The following FOXK2 variants were observed in gnomAD, a reference collection of about 807,000 sequenced individuals.
FOXK2 encodes the protein forkhead box protein K2.
A neutral mutation model predicts 53.3 loss-of-function variants in FOXK2; 24 were observed. The observed-to-expected ratio is 0.45, with a 90% CI of 0.33 to 0.63. FOXK2 has a LOEUF of 0.63. Among genes scored for constraint, FOXK2 ranks in the 30% least tolerant of loss-of-function variants. FOXK2 has a pLI of 0.03. For synonymous variants in FOXK2, 505 were observed against 407.1 expected (o/e 1.24, Z -2.89); for missense variants, 952 against 910.5 (o/e 1.05, Z -0.59).
rs985016785 is a variant in FOXK2 at position 82,601,471 on chromosome 17, C to T, written c.1955C>T (p.Ala652Val). The T allele has an allele frequency of 6.8e-6, 11 of 1,610,646 alleles. No individual in the cohort carries two copies. The highest frequency in any genetic ancestry group is 1.3e-5 in the African/African-American group (1 of 75,036). ...CTGAGCGTGGACACGCCACCGGCAGCCGTAAGGGAAAAGGGTGTCCAGAAC... is the reference window on the plus strand; with the variant it reads ...CTGAGCGTGGACACGCCACCGGCAGTCGTAAGGGAAAAGGGTGTCCAGAAC... The part of the protein sequence containing the change: ...IALSVDTPPA[A>V]VREKGVQN Residue 652 changes from alanine to valine, a missense_variant, in exon 9 of 9, where the codon GCC (alanine) becomes GTC (valine). By Grantham distance (64) the Ala-to-Val change is moderately conservative. Coordinates refer to ENST00000335255, the MANE Select transcript of FOXK2 (RefSeq NM_004514.4).
At chr17:82,552,271 A>G (rs1350122496) in intron 1 of FOXK2, among the ~76,000 whole-genome samples, 1 of 152,146 alleles carries the variant, frequency 6.6e-6, no homozygotes, top group Non-Finnish European at 1.5e-5. Context: ...GTTTTCCCAG[A>G]TTCCCACTCC....
chr17:82,520,131 G>T lies in FOXK2; in HGVS notation c.243G>T (p.Glu81Asp). Reference sequence around the variant, plus strand: ...GCTTCATCTCCCGGCGCCACCTCGAGATCTTCACGCCCCCGGGCGGCGGCG... The same window carrying T: ...GCTTCATCTCCCGGCGCCACCTCGATATCTTCACGCCCCCGGGCGGCGGCG... Reference protein sequence around the residue: ...HSSFISRRHLEIFTPPGGGGH... With the variant: ...HSSFISRRHLDIFTPPGGGGH... Residue 81 changes from glutamate (E) to aspartate (D), a missense_variant, in exon 1 of 9, where the codon GAG becomes GAT. Physicochemically the swap from Glu to Asp is conservative, Grantham distance 45. Transcript: ENST00000335255. The T allele has an allele frequency of 6.5e-7, 1 of 1,536,382 alleles. No individual in the cohort carries two copies. The highest frequency in any genetic ancestry group is 1.2e-5 in the South Asian group (1 of 83,634).
At chr17:82,547,076 C>CA (rs57383328) in intron 1 of FOXK2, among the ~76,000 whole-genome samples, 29,421 of 112,086 alleles carry the variant, frequency 0.26, 3,427 homozygotes, top group East Asian at 0.42. Context: ...AAAACTCCAT[C>CA]AAAAAAAAAA....
At chr17:82,536,300 C>A (rs1234545405) in intron 1 of FOXK2, among the ~76,000 whole-genome samples, 1 of 152,196 alleles carries the variant, frequency 6.6e-6, no homozygotes, top group Non-Finnish European at 1.5e-5. Flanking sequence ...TTGACTGAGT[C>A]ATACTTTCCT....
At chr17:82,526,970 G>A (rs182562600) in intron 1 of FOXK2, among the ~76,000 whole-genome samples, 45 of 152,270 alleles carry the variant, frequency 3.0e-4, no homozygotes, top group African/African-American at 9.4e-4. Flanking sequence ...TGAGCAGAGC[G>A]GGTCGGAACG....
At chr17:82,568,822 C>T (rs2044881263) in intron 3 of FOXK2, among the ~76,000 whole-genome samples, 1 of 151,796 alleles carries the variant, frequency 6.6e-6, no homozygotes, top group Admixed American at 6.6e-5. Flanking sequence ...CCAGCCTGGT[C>T]AACATGGTTA....
intron 4 of FOXK2, among the ~76,000 whole-genome samples, chr17:82,575,662 G>A (rs1490416798): frequency 2.0e-5 from 3 of 152,188 alleles, no homozygotes; most frequent in Non-Finnish European, 4.4e-5. Flanking sequence ...GGCTTTTCAC[G>A]TGGAACTTTT....
intron 4 of FOXK2, chr17:82,577,522 C>T (rs771929443): frequency 6.1e-5 from 14 of 228,764 alleles, no homozygotes; most frequent in African/African-American, 1.4e-4. Flanking sequence ...GCAGCACCTG[C>T]GTGCCAGGCC....
In FOXK2 at chr17:82,575,889, C is replaced by T. The variant is rs144996686; in HGVS notation, c.909+4019C>T. 4.9e-3 allele frequency among the ~76,000 whole-genome samples: 741 copies of T among 152,224 alleles called. 8 individuals carry two copies. The highest frequency in any genetic ancestry group is 0.017 in the African/African-American group (686 of 41,528). On this transcript the variant is annotated intron_variant, in intron 4 of 8. Coordinates refer to ENST00000335255, the MANE Select transcript of FOXK2 (RefSeq NM_004514.4). ...AGCCTGCTGGGACAGAGGGTGGCGG[C>T]GGGTTCATCCACACGTCCACACCAG...
intron 1 of FOXK2, among the ~76,000 whole-genome samples, chr17:82,544,534 T>C (rs2044604881): frequency 6.6e-6 from 1 of 152,168 alleles, no homozygotes; most frequent in Admixed American, 6.5e-5. Context: ...TGATTTCTTA[T>C]TCCCAGCACT....
intron 1 of FOXK2, among the ~76,000 whole-genome samples, chr17:82,554,360 T>G (rs764067049): frequency 1.3e-5 from 2 of 152,210 alleles, no homozygotes; most frequent in Non-Finnish European, 2.9e-5. Context: ...CCTTAGAGCT[T>G]CTTCGTGAGT....
intron 1 of FOXK2, among the ~76,000 whole-genome samples, chr17:82,552,660 T>C (rs1447573505): frequency 6.6e-6 from 1 of 152,220 alleles, no homozygotes; most frequent in East Asian, 1.9e-4. Flanking sequence ...TAGTTACCTT[T>C]GGCAGGAACT....
intron 2 of FOXK2, 22 bp downstream of exon 2, chr17:82,563,570 A>C: frequency 1.9e-6 from 3 of 1,603,354 alleles, no homozygotes; most frequent in Non-Finnish European, 2.6e-6. Context: ...GGGATGGGGG[A>C]CTGGAGCATC....
chr17:82,524,867 C>G (rs1266946277), intron 1 of FOXK2, among the ~76,000 whole-genome samples: 1 of 152,112 alleles, frequency 6.6e-6, no homozygotes, highest in African/African-American at 2.4e-5. Context: ...ACCTGCAATT[C>G]AGGCTGGAAG....
rs550474857 is a variant in FOXK2, at chr17:82,545,085, A to C, written c.420-18269A>C. 2.0e-4 allele frequency among the ~76,000 whole-genome samples: 31 copies of C among 151,868 alleles called. No individual in the cohort carries two copies. In the Middle Eastern group the frequency reaches 0.014, roughly 67 times the overall value. ...GCTGACCTAGTGGTTTCTCACTTGG[A>C]CTTCTGGAGGGGTTTCTTAGTTGGT... On this transcript the variant is annotated intron_variant, in intron 1 of 8. Coordinates refer to ENST00000335255, the MANE Select transcript of FOXK2 (RefSeq NM_004514.4).
At chr17:82,554,355 G>T (rs944739463) in intron 1 of FOXK2, among the ~76,000 whole-genome samples, 2 of 152,198 alleles carry the variant, frequency 1.3e-5, no homozygotes, top group Non-Finnish European at 2.9e-5. Context: ...GGAGTCCTTA[G>T]AGCTTCTTCG....
At chr17:82,586,612 T>C (rs1342138102) in intron 7 of FOXK2, among the ~76,000 whole-genome samples, 1 of 151,944 alleles carries the variant, frequency 6.6e-6, no homozygotes, top group Non-Finnish European at 1.5e-5. Flanking sequence ...TAAGATTTGC[T>C]CATCCTTGGC....
At chr17:82,553,551 G>A (rs753000274) in intron 1 of FOXK2, among the ~76,000 whole-genome samples, 2 of 152,230 alleles carry the variant, frequency 1.3e-5, no homozygotes, top group South Asian at 2.1e-4. Context: ...CAGCCATGCC[G>A]TCACTCCACA....
intron 7 of FOXK2, 68 bp from the exon 8 acceptor site, chr17:82,586,995 T>G: frequency 6.7e-7 from 1 of 1,501,104 alleles, no homozygotes; most frequent in Admixed American, 1.7e-5. Flanking sequence ...GTTATTATGT[T>G]TTAAACTGGC....
Sources: gnomAD v4.1 joint callset for allele counts (sites outside exome capture counted in the v4.1 genomes callset) on GRCh38, gnomAD v4.1.1 for gene constraint, MANE v1.5 for transcripts, NCBI Gene and HGNC (gene_info 2026-07-23, HGNC 2026-07-21) for gene names.